The following CDK14 variants were observed in gnomAD, a reference collection of about 807,000 sequenced individuals.
CDK14 encodes the protein cyclin-dependent kinase 14.
A neutral mutation model predicts 60.7 loss-of-function variants in CDK14; 34 were observed. The ratio of observed to expected loss-of-function variants is 0.56; its 90% CI spans 0.43 to 0.75. CDK14 has a LOEUF of 0.75. Among genes scored for constraint, CDK14 ranks in the 30% least tolerant of loss-of-function variants. The pLI, the probability that CDK14 is intolerant of heterozygous loss-of-function variation, is 0.00. For synonymous variants in CDK14, 197 were observed against 203.7 expected (o/e 0.97, Z 0.28); for missense variants, 482 against 564.1 (o/e 0.85, Z 1.47).
intron 2 of CDK14, among the ~76,000 whole-genome samples, chr7:90,631,018 T>C (rs11563523): frequency 0.092 from 14,025 of 152,042 alleles, 831 homozygotes; most frequent in South Asian, 0.15. Context: ...TCTGCATGCA[T>C]ACCATCTCTG....
intron 5 of CDK14, among the ~76,000 whole-genome samples, chr7:90,797,970 A>G (rs980013664): frequency 1.3e-5 from 2 of 151,946 alleles, no homozygotes; most frequent in South Asian, 4.1e-4. Context: ...ATGTCACCCT[A>G]CTTGCAAAAA....
chr7:90,963,610 G>A (rs1268691787), intron 9 of CDK14, among the ~76,000 whole-genome samples: 1 of 151,084 alleles, frequency 6.6e-6, no homozygotes, highest in Admixed American at 6.6e-5. Context: ...TTCAGAAACA[G>A]GCATTGCAGT....
chr7:91,186,810 C>G (rs927912393), intron 14 of CDK14, among the ~76,000 whole-genome samples: 1 of 152,130 alleles, frequency 6.6e-6, no homozygotes, highest in Non-Finnish European at 1.5e-5. Flanking sequence ...ACATCAAGTA[C>G]TGGGCTGTTG....
intron 14 of CDK14, among the ~76,000 whole-genome samples, chr7:91,127,541 T>G (rs1799989217): frequency 6.6e-6 from 1 of 152,166 alleles, no homozygotes. Context: ...CGGATTCACG[T>G]GCAGTCTCAT....
intron 2 of CDK14, among the ~76,000 whole-genome samples, chr7:90,700,244 C>T (rs1000972216): frequency 1.3e-5 from 2 of 152,122 alleles, no homozygotes; most frequent in African/African-American, 4.8e-5. Context: ...TAGGCATGCA[C>T]CACCATGCCC....
At position 91,086,341 on chromosome 7, in the gene CDK14, G is replaced by A. The variant is rs73708241; in HGVS notation, c.1154+6861G>A. Among the ~76,000 whole-genome samples, 472 of 152,230 alleles carry A rather than the reference G, an allele frequency of 3.1e-3. 4 individuals are homozygous for A. The highest frequency in any genetic ancestry group is 0.01 in the African/African-American group (432 of 41,544). ...CTGCCTCCTCCCCTCCAGAAGCCAC[G>A]CTGTTCCCTCCTGAGGGGCGCAGCC... is the stretch of plus-strand genomic sequence containing the variant. On this transcript the variant is annotated intron_variant, in intron 12 of 14. Coordinates refer to ENST00000380050, the MANE Select transcript of CDK14 (RefSeq NM_001287135.2).
chr7:91,082,582 AAT>A (rs1028056087), intron 12 of CDK14, among the ~76,000 whole-genome samples: 1 of 152,140 alleles, frequency 6.6e-6, no homozygotes, highest in Non-Finnish European at 1.5e-5. Context: ...AGAGAAGAAA[AAT>A]CTTACCTGCT....
rs537368363 is a variant in CDK14 at position 90,700,505 on chromosome 7, C to G, written c.124-26062C>G. Among the ~76,000 whole-genome samples, 187 of 152,190 alleles carry G rather than the reference C, an allele frequency of 1.2e-3. 1 individual carries two copies. The highest frequency in any genetic ancestry group is 4.3e-3 in the African/African-American group (179 of 41,526). On this transcript the variant is annotated intron_variant, in intron 2 of 14. Coordinates refer to ENST00000380050, the MANE Select transcript of CDK14 (RefSeq NM_001287135.2). Reference sequence around the variant, plus strand: ...TCTTCTACCAGAGGGGAGAAAAGAACCTTTATTCATAAAGGTTCAAATTAC... The same window carrying G: ...TCTTCTACCAGAGGGGAGAAAAGAAGCTTTATTCATAAAGGTTCAAATTAC...
At chr7:90,601,365 T>C (rs1349747497) in intron 1 of CDK14, among the ~76,000 whole-genome samples, 1 of 152,230 alleles carries the variant, frequency 6.6e-6, no homozygotes, top group Non-Finnish European at 1.5e-5. Context: ...CATCTTAAGT[T>C]GGTCTTTGTT....
intron 14 of CDK14, among the ~76,000 whole-genome samples, chr7:91,178,843 C>T (rs1351672398): frequency 2.0e-5 from 3 of 151,870 alleles, no homozygotes; most frequent in African/African-American, 7.3e-5. Context: ...AATAGGAACA[C>T]TTTTACACTG....
rs931778531 is a variant in CDK14 at position 90,960,838 on chromosome 7, A to G, written c.947+5021A>G. ...ACAAATTAGCCCTACCATAGCCCCT[A>G]CTTTGAAAATAAATTTGTTCTATAT... On this transcript the variant is annotated intron_variant, in intron 9 of 14. Coordinates refer to ENST00000380050, the MANE Select transcript of CDK14 (RefSeq NM_001287135.2). Among the ~76,000 whole-genome samples the G allele has an allele frequency of 3.9e-5, 6 of 152,102 alleles. No individual in the cohort carries two copies. In the South Asian group the frequency reaches 1.2e-3, roughly 32 times the overall value.
rs1229943982 is a variant in CDK14, at chr7:90,901,926, A to G, written c.702+2573A>G. ...AACTAATTCCGTAAAGTTGCAGGATACAAAATCAACATATAAAAATTTGTA... is the reference window on the plus strand; with the variant it reads ...AACTAATTCCGTAAAGTTGCAGGATGCAAAATCAACATATAAAAATTTGTA... On this transcript the variant is annotated intron_variant, in intron 7 of 14. Transcript: ENST00000380050. Among the ~76,000 whole-genome samples, 3 of 152,258 alleles carry G rather than the reference A, an allele frequency of 2.0e-5. No homozygotes were observed. In the East Asian group the frequency reaches 5.8e-4, roughly 29 times the overall value.
chr7:91,108,422 A>G (rs1489722551), intron 12 of CDK14, among the ~76,000 whole-genome samples: 1 of 152,252 alleles, frequency 6.6e-6, no homozygotes, highest in East Asian at 1.9e-4. Context: ...AAGTCTATTC[A>G]CATTCTTGAA....
chr7:90,747,635 T>A (rs1377515905), intron 3 of CDK14, 46 bp from the exon 4 acceptor site: 3 of 1,107,686 alleles, frequency 2.7e-6, no homozygotes. Context: ...TTGTTGTTAA[T>A]TAATTTGATA....
intron 14 of CDK14, among the ~76,000 whole-genome samples, chr7:91,186,198 C>T (rs1189051260): frequency 2.0e-4 from 1 of 4,920 alleles, no homozygotes; most frequent in African/African-American, 7.6e-4. Flanking sequence ...CTCTCCTCCC[C>T]TCCCCTCTCC....
chr7:91,129,879 A>G (rs561625782), intron 14 of CDK14, among the ~76,000 whole-genome samples: 1 of 152,264 alleles, frequency 6.6e-6, no homozygotes, highest in South Asian at 2.1e-4. Flanking sequence ...AACTCACTAA[A>G]TCAATGTTTT....
chr7:91,198,918 C>A (rs1802632969), intron 14 of CDK14, among the ~76,000 whole-genome samples: 1 of 151,994 alleles, frequency 6.6e-6, no homozygotes, highest in South Asian at 2.1e-4. Flanking sequence ...AGACATGAAC[C>A]CTTGTGTTTC....
At chr7:91,106,807 A>T (rs1799315789) in intron 12 of CDK14, among the ~76,000 whole-genome samples, 2 of 152,336 alleles carry the variant, frequency 1.3e-5, no homozygotes, top group South Asian at 4.1e-4. Flanking sequence ...AAGCCAACCT[A>T]CACCAAGAGA....
In CDK14 at chr7:91,192,550, T is replaced by A. The variant is rs1373386293; in HGVS notation, c.*29-14615T>A. Among the ~76,000 whole-genome samples, 4 of 152,194 alleles carry A rather than the reference T, an allele frequency of 2.6e-5. No individual in the cohort carries two copies. In the East Asian group the frequency reaches 7.7e-4, roughly 29 times the overall value. ...AGAGGGAACTTATGGGTGGCCACACTAAGAATAATTGCAAGTTCTTGGCTG... is the reference window on the plus strand; with the variant it reads ...AGAGGGAACTTATGGGTGGCCACACAAAGAATAATTGCAAGTTCTTGGCTG... On this transcript the variant is annotated intron_variant, in intron 14 of 14. Transcript: ENST00000380050.
Sources: allele counts gnomAD v4.1 joint callset (sites outside exome capture counted in the v4.1 genomes callset), GRCh38; gene constraint gnomAD v4.1.1; transcripts MANE v1.5; gene names NCBI Gene and HGNC (gene_info 2026-07-23, HGNC 2026-07-21).